CHD1L: variants seen among roughly 807,000 people sequenced by gnomAD.
The protein encoded by CHD1L is ATP-dependent chromatin remodeler CHD1L.
CHD1L carries 118 observed loss-of-function variants against 115.9 expected under a neutral mutation model. That is an observed-to-expected ratio of 1.02 (90% CI 0.88 to 1.19). The LOEUF is 1.19. CHD1L is among the 50% of genes most tolerant of loss of function. CHD1L has a pLI of 0.00. For missense variants in CHD1L, 1,179 were observed against 1,065.3 expected, an observed-to-expected ratio of 1.11 and a Z score of -1.49; for synonymous variants, 411 against 387.1, an observed-to-expected ratio of 1.06 and a Z score of -0.72.
At chr1:147,288,336 A>AG (rs1684146421) in intron 19 of CHD1L, among the ~76,000 whole-genome samples, 2 of 1,298 alleles carry the variant, frequency 1.5e-3, no homozygotes, top group East Asian at 0.026. Flanking sequence ...AAAAAAAAAA[A>AG]AAAAAAAAAA....
At chr1:147,249,404 A>ATT (rs59773572) in intron 1 of CHD1L, among the ~76,000 whole-genome samples, 52,158 of 90,608 alleles carry the variant, frequency 0.58, 17,949 homozygotes, top group Non-Finnish European at 0.64. Context: ...CTTGGTGTGT[A>ATT]TTTTTTTTTT....
the CHD1L span, among the ~76,000 whole-genome samples, chr1:147,176,780 CTA>C: frequency 1.3e-3 from 191 of 152,186 alleles, 1 homozygote; most frequent in African/African-American, 4.4e-3. Flanking sequence ...GCTGCCAACT[CTA>C]AAATTATTTG....
the CHD1L span, chr1:147,208,646 C>T: frequency 2.2e-6 from 1 of 446,494 alleles, no homozygotes; most frequent in Non-Finnish European, 4.2e-6. Flanking sequence ...ACCGTGTTGG[C>T]CAGGATGGTC....
chr1:147,229,414 T>A, the CHD1L span, among the ~76,000 whole-genome samples: 1 of 152,152 alleles, frequency 6.6e-6, no homozygotes, highest in Admixed American at 6.5e-5. Flanking sequence ...TACTGTAGCC[T>A]TGTAGTATAG....
the CHD1L span, chr1:147,173,174 G>A: frequency 6.5e-6 from 1 of 153,292 alleles, no homozygotes; most frequent in Non-Finnish European, 1.5e-5. Context: ...GGTGGCGCGC[G>A]CCGGAAGTCC....
chr1:147,228,618 T>C, the CHD1L span, among the ~76,000 whole-genome samples: 4 of 152,230 alleles, frequency 2.6e-5, no homozygotes, highest in Middle Eastern at 3.4e-3. Flanking sequence ...TAGTTTACAG[T>C]CCCACCAACA....
At chr1:147,248,295 G>T (rs1309592607) in intron 1 of CHD1L, among the ~76,000 whole-genome samples, 1 of 151,474 alleles carries the variant, frequency 6.6e-6, no homozygotes, top group African/African-American at 2.4e-5. Context: ...GCAACCTCCT[G>T]CCTCCCAGGT....
the CHD1L span, among the ~76,000 whole-genome samples, chr1:147,190,679 A>C: frequency 3.3e-5 from 5 of 151,214 alleles, no homozygotes; most frequent in African/African-American, 1.2e-4. Context: ...AGTAAAAATA[A>C]ATTTTTTGTT....
chr1:147,228,279 A>G, the CHD1L span, among the ~76,000 whole-genome samples: 352 of 150,164 alleles, frequency 2.3e-3, 1 homozygote, highest in African/African-American at 7.9e-3. Flanking sequence ...TTGTCCTTGC[A>G]ACAGTTTGCT....
At chr1:147,182,701 G>A in the CHD1L span, among the ~76,000 whole-genome samples, 1 of 152,252 alleles carries the variant, frequency 6.6e-6, no homozygotes, top group East Asian at 1.9e-4. Context: ...ATTTCAATCA[G>A]AAGTTATGGG....
chr1:147,254,484 G>A (rs147552134), intron 2 of CHD1L, among the ~76,000 whole-genome samples: 4 of 152,278 alleles, frequency 2.6e-5, no homozygotes, highest in African/African-American at 4.8e-5. Flanking sequence ...GCGATTGGCC[G>A]TTTTTACAGT....
At chr1:147,209,030 C>T in the CHD1L span, 2 of 1,614,142 alleles carry the variant, frequency 1.2e-6, no homozygotes, top group Admixed American at 3.3e-5. Flanking sequence ...ATCCAAGCCC[C>T]TCTCCTGGTG....
the CHD1L span, among the ~76,000 whole-genome samples, chr1:147,235,095 G>GTGTT: frequency 4.7e-3 from 707 of 151,288 alleles, 5 homozygotes; most frequent in African/African-American, 0.015. Flanking sequence ...CACTGTGTGT[G>GTGTT]TGTGTGTGTG....
intron 15 of CHD1L, among the ~76,000 whole-genome samples, chr1:147,283,698 A>C (rs1553963393): frequency 6.6e-6 from 1 of 152,174 alleles, no homozygotes; most frequent in Non-Finnish European, 1.5e-5. Flanking sequence ...CTAGCCTGTT[A>C]ATCTCTCCAC....
chr1:147,256,159 A>G (rs1183685762), intron 4 of CHD1L, among the ~76,000 whole-genome samples: 4 of 152,184 alleles, frequency 2.6e-5, no homozygotes, highest in African/African-American at 9.6e-5. Context: ...AGGCTTCTCA[A>G]GGAAGTGGCA....
chr1:147,259,881 A>G lies in CHD1L; in HGVS notation c.539A>G (p.Lys180Arg). ...VLVVDEAHRL[K>R]NQSSLLHKTL... is the part of the protein sequence containing the mutation. ...GTTGTGGATGAAGCTCACAGGTTGA[A>G]AAACCAAAGCTCCCTGCTGCATAAG... is the stretch of plus-strand genomic sequence containing the variant. The change falls in exon 6 of 23, where the codon AAA becomes AGA. Residue 180 changes from lysine to arginine, a missense_variant. Coordinates refer to ENST00000369258, the MANE Select transcript of CHD1L (RefSeq NM_004284.6). 1 of 1,613,928 alleles carries G rather than the reference A, an allele frequency of 6.2e-7. No homozygotes were observed. Among genetic ancestry groups the G allele is most frequent in the Non-Finnish European group, 8.5e-7 (1 of 1,179,846 alleles).
At chr1:147,260,935 T>TA (rs1553943760) in intron 6 of CHD1L, 2 of 152,234 alleles carry the variant, frequency 1.3e-5, no homozygotes, top group Admixed American at 1.3e-4. Flanking sequence ...TGAGACCACA[T>TA]ATGTTAATTT....
the CHD1L span, among the ~76,000 whole-genome samples, chr1:147,200,813 T>A: frequency 4.3e-4 from 65 of 152,282 alleles, no homozygotes; most frequent in African/African-American, 1.5e-3. Flanking sequence ...TTGCCTAAAA[T>A]CTAGATGAGT....
chr1:147,267,594 A>G, intron 9 of CHD1L, 76 bp downstream of exon 9: 1 of 1,111,436 alleles, frequency 9.0e-7, no homozygotes, highest in South Asian at 1.4e-5. Context: ...AATTCTTCAA[A>G]ATAATTGCAT....
Sources: allele counts gnomAD v4.1 joint callset (sites outside exome capture counted in the v4.1 genomes callset), GRCh38; gene constraint gnomAD v4.1.1; transcripts MANE v1.5; gene names NCBI Gene and HGNC (gene_info 2026-07-23, HGNC 2026-07-21).